The following C1orf105 variants were observed in gnomAD, a reference collection of about 807,000 sequenced individuals.
The protein encoded by C1orf105 is chromosome 1 open reading frame 105, also known as uncharacterized protein C1orf105.
In C1orf105, 17 loss-of-function variants were observed where a neutral mutation model predicts 20.8. The observed-to-expected ratio is 0.82, with a 90% confidence interval of 0.56 to 1.23. The LOEUF (loss-of-function observed/expected upper bound fraction) is 1.23, where lower values mean the gene tolerates loss of function less well. Ranked by LOEUF, C1orf105 falls within the 50% of genes most tolerant of loss-of-function variation. The pLI, the probability that C1orf105 is intolerant of heterozygous loss-of-function variation, is 0.00. For missense variants in C1orf105, 219 were observed against 213.5 expected, an observed-to-expected ratio of 1.03 and a Z score of -0.16; for synonymous variants, 72 against 72.1, an observed-to-expected ratio of 1.00 and a Z score of 0.01.
chr1:172,442,660 C>A, intron 1 of C1orf105: 1 of 1,555,928 alleles, frequency 6.4e-7, no homozygotes, highest in South Asian at 1.1e-5. Flanking sequence ...TTAATCATCG[C>A]CCTCACAGAA....
In C1orf105 at chr1:172,468,561, A is replaced by G. The variant is rs1382910848; in HGVS notation, c.519A>G (p.Arg173=). ...AGAGACAACGTTCTTCCTTGCCCAG[A>G]AAGGAACCAATAGGCAAGACAACGA... ...LKERQRSSLP[R]KEPIGKTTRQ Residue 173 remains arginine, a synonymous_variant, in exon 7 of 7, where the codon AGA becomes AGG. Transcript: ENST00000367727. The G allele has an allele frequency of 6.2e-7, 1 of 1,613,910 alleles. No homozygotes were observed. The highest frequency in any genetic ancestry group is 1.3e-5 in the African/African-American group (1 of 75,034).
In C1orf105 at chr1:172,445,225, G is replaced by A. The variant is rs554101239; in HGVS notation, c.107+67G>A. The A allele has an allele frequency of 1.9e-5, 24 of 1,282,448 alleles. No homozygotes were observed. In the East Asian group the frequency reaches 4.5e-4, roughly 24 times the overall value. The allele number at this position is 1,282,448 out of a possible 1,614,324, so 79.4% of individuals were successfully genotyped here. A position where few individuals can be genotyped will look rare whatever the true frequency, so the allele number is the denominator to read the frequency against. ...CTCACAGAAGATGATTTCTTCTTAA[G>A]GGATGGGGACAATTATCAGAGGGCA... On this transcript the variant is annotated intron_variant, in intron 2 of 6. Coordinates refer to ENST00000367727, the MANE Select transcript of C1orf105 (RefSeq NM_139240.4).
chr1:172,425,824 T>C (rs2071708581), intron 1 of C1orf105, among the ~76,000 whole-genome samples: 1 of 152,128 alleles, frequency 6.6e-6, no homozygotes, highest in Admixed American at 6.5e-5. Context: ...AAGGCCTACA[T>C]TCTGAGAACA....
intron 1 of C1orf105, among the ~76,000 whole-genome samples, chr1:172,435,339 A>G (rs971243504): frequency 1.3e-5 from 2 of 152,210 alleles, no homozygotes; most frequent in Admixed American, 1.3e-4. Flanking sequence ...CGATGCAAAA[A>G]TCCTCAATAA....
intron 1 of C1orf105, among the ~76,000 whole-genome samples, chr1:172,426,364 A>ACTAT (rs947035704): frequency 2.0e-5 from 3 of 152,126 alleles, no homozygotes; most frequent in African/African-American, 7.2e-5. Context: ...AGATTACAGC[A>ACTAT]CTATCTACAT....
At chr1:172,442,371 C>G in intron 1 of C1orf105, 1 of 1,613,366 alleles carries the variant, frequency 6.2e-7, no homozygotes, top group Non-Finnish European at 8.5e-7. Flanking sequence ...TCCCTAAAAG[C>G]CAATGGGGGG....
intron 1 of C1orf105, chr1:172,442,740 T>C (rs1422198687): frequency 4.6e-6 from 4 of 867,300 alleles, no homozygotes; most frequent in African/African-American, 3.4e-5. Context: ...GCTGTGTTGA[T>C]GTTCTACCAA....
intron 2 of C1orf105, among the ~76,000 whole-genome samples, chr1:172,445,467 C>T (rs1647883347): frequency 6.6e-6 from 1 of 152,186 alleles, no homozygotes; most frequent in Non-Finnish European, 1.5e-5. Context: ...CCCACATTTT[C>T]TCCACTGCTG....
intron 4 of C1orf105, 85 bp from the exon 5 acceptor site, chr1:172,462,093 A>G: frequency 9.8e-7 from 1 of 1,022,026 alleles, no homozygotes; most frequent in East Asian, 2.6e-5. Context: ...ATCAAATACA[A>G]CACAAATTCA....
At chr1:172,425,061 G>A (rs6660051) in intron 1 of C1orf105, among the ~76,000 whole-genome samples, 129,348 of 152,192 alleles carry the variant, frequency 0.85, 55,215 homozygotes, top group East Asian at 1. Context: ...CATCATCCTA[G>A]TAGTATTATG....
intron 1 of C1orf105, chr1:172,428,696 A>G (rs1284480404): frequency 1.7e-6 from 1 of 603,898 alleles, no homozygotes; most frequent in African/African-American, 1.9e-5. Context: ...TCTTTTTTCC[A>G]TAGCACTTAC....
chr1:172,467,430 C>T (rs1650140460), intron 6 of C1orf105, among the ~76,000 whole-genome samples: 2 of 152,174 alleles, frequency 1.3e-5, no homozygotes, highest in Admixed American at 6.5e-5. Flanking sequence ...GATGCAGATT[C>T]CTTCATGAAT....
At chr1:172,432,450 C>T (rs550106615) in intron 1 of C1orf105, among the ~76,000 whole-genome samples, 8 of 152,290 alleles carry the variant, frequency 5.3e-5, no homozygotes, top group South Asian at 2.1e-4. Flanking sequence ...CTGCAGCCTC[C>T]GCTGGTGATA....
chr1:172,427,993 G>A (rs571398720), intron 1 of C1orf105, among the ~76,000 whole-genome samples: 109 of 151,840 alleles, frequency 7.2e-4, no homozygotes, highest in African/African-American at 1.8e-3. Context: ...CCTATCCCAC[G>A]TGCACCAAAC....
intron 3 of C1orf105, among the ~76,000 whole-genome samples, chr1:172,448,838 C>G (rs967286800): frequency 2.0e-5 from 3 of 152,166 alleles, no homozygotes; most frequent in African/African-American, 7.2e-5. Context: ...TGACTGGAAC[C>G]AATCTGGAGT....
chr1:172,450,349 G>A (rs1558138260), intron 3 of C1orf105, among the ~76,000 whole-genome samples: 1 of 152,212 alleles, frequency 6.6e-6, no homozygotes, highest in Admixed American at 6.5e-5. Flanking sequence ...TGGGGCACCA[G>A]GCCAGTACCT....
At chr1:172,444,882 A>G (rs1318484356) in intron 1 of C1orf105, among the ~76,000 whole-genome samples, 191 bp from the exon 2 acceptor site, 2 of 152,214 alleles carry the variant, frequency 1.3e-5, no homozygotes, top group Non-Finnish European at 1.5e-5. Flanking sequence ...CTGAGCTTTG[A>G]TTTCTTCATC....
chr1:172,466,197 T>C (rs1360604333), intron 6 of C1orf105, among the ~76,000 whole-genome samples: 2 of 152,262 alleles, frequency 1.3e-5, no homozygotes, highest in Middle Eastern at 3.4e-3. Context: ...TGAAGGGATG[T>C]CTTGAGGGGA....
At chr1:172,426,879 C>T (rs2071737283) in intron 1 of C1orf105, among the ~76,000 whole-genome samples, 1 of 152,204 alleles carries the variant, frequency 6.6e-6, no homozygotes, top group Non-Finnish European at 1.5e-5. Flanking sequence ...GCCCTTCTCT[C>T]AATTTGTTAA....
Sources: gnomAD v4.1 joint callset for allele counts (sites outside exome capture counted in the v4.1 genomes callset) on GRCh38, gnomAD v4.1.1 for gene constraint, MANE v1.5 for transcripts, NCBI Gene and HGNC (gene_info 2026-07-23, HGNC 2026-07-21) for gene names.